Variants in MARK4 observed in about 807,000 individuals in gnomAD.
MARK4 encodes the protein microtubule affinity regulating kinase 4.
A neutral mutation model predicts 81.5 loss-of-function variants in MARK4; 19 were observed. That is an observed-to-expected ratio of 0.23 (90% CI 0.16 to 0.34). MARK4 has a LOEUF of 0.34. MARK4 is among the 10% of genes least tolerant of loss of function. The pLI, the probability that MARK4 is intolerant of heterozygous loss-of-function variation, is 1.00. For synonymous variants in MARK4, 436 were observed against 439.0 expected, an observed-to-expected ratio of 0.99 and a Z score of 0.08; for missense variants, 772 against 1,058.8, an observed-to-expected ratio of 0.73 and a Z score of 3.76.
intron 12 of MARK4, among the ~76,000 whole-genome samples, chr19:45,282,925 G>A (rs1352166260): frequency 2.0e-5 from 3 of 152,074 alleles, no homozygotes; most frequent in Non-Finnish European, 4.4e-5. Flanking sequence ...CCAGGAGATC[G>A]AGGTCGTGGT....
chr19:45,285,284 A>G, intron 12 of MARK4, among the ~76,000 whole-genome samples: 1 of 151,282 alleles, frequency 6.6e-6, no homozygotes, highest in South Asian at 2.1e-4. Context: ...AAAAAAAAAA[A>G]AGAATCCAGC....
chr19:45,277,433 AT>A (rs35920861), intron 8 of MARK4, among the ~76,000 whole-genome samples: 448 of 131,840 alleles, frequency 3.4e-3, no homozygotes, highest in African/African-American at 7.0e-3. Context: ...TGTAGCTTAA[AT>A]TTTTTTTTTT....
At chr19:45,282,463 C>T (rs1366493990) in intron 12 of MARK4, among the ~76,000 whole-genome samples, 1 of 149,010 alleles carries the variant, frequency 6.7e-6, no homozygotes, top group African/African-American at 2.5e-5. Context: ...AGGCTGAGGG[C>T]AGGAGGATTG....
chr19:45,253,740 A>G (rs1439579631), intron 1 of MARK4, among the ~76,000 whole-genome samples: 2 of 152,114 alleles, frequency 1.3e-5, no homozygotes, highest in Non-Finnish European at 2.9e-5. Context: ...TGATGTGACT[A>G]AGGTGCACAG....
chr19:45,276,622 A>ATTTTTTTTTTT (rs764253527), intron 8 of MARK4, among the ~76,000 whole-genome samples: 1 of 123,634 alleles, frequency 8.1e-6, no homozygotes, highest in Non-Finnish European at 1.7e-5. Context: ...CATTTTACAG[A>ATTTTTTTTTTT]TTTTTTTTTT....
At position 45,304,073 on chromosome 19, in the gene MARK4, C is replaced by T. The variant is rs1312012925; in HGVS notation, c.*1363C>T. ...AAAAGGTATTTGTTGGTTTATGTTA[C>T]TTAATAGTCCAGGGGCACCTGGCTT... is the stretch of plus-strand genomic sequence containing the variant. On this transcript the variant is annotated 3_prime_UTR_variant, in exon 17 of 17. Coordinates refer to ENST00000262891, the MANE Select transcript of MARK4 (RefSeq NM_001199867.2). The T allele has an allele frequency of 6.6e-6, 1 of 152,230 alleles. No homozygotes were observed. The highest frequency in any genetic ancestry group is 1.5e-5 in the Non-Finnish European group (1 of 68,048). 9.4% of individuals were successfully genotyped at this position (152,230 alleles called of 1,614,324 possible).
At chr19:45,289,894 C>T (rs924216252) in intron 13 of MARK4, among the ~76,000 whole-genome samples, 5 of 152,092 alleles carry the variant, frequency 3.3e-5, no homozygotes, top group East Asian at 3.9e-4. Flanking sequence ...CTCAGGAGTT[C>T]GAGACCAACC....
At chr19:45,254,360 G>A (rs1394588114) in intron 1 of MARK4, among the ~76,000 whole-genome samples, 1 of 152,174 alleles carries the variant, frequency 6.6e-6, no homozygotes, top group East Asian at 1.9e-4. Flanking sequence ...CCCACCTCCA[G>A]CTGGCTGCCC....
Position 45,280,635 on chromosome 19 carries a change from A to G in MARK4, c.1177A>G (p.Thr393Ala), listed in dbSNP as rs1970661597. 1 of 1,614,142 alleles carries G rather than the reference A, an allele frequency of 6.2e-7. No individual in the cohort carries two copies. ...GGCACGGGTGCGGGCGCCCAGCGAC[A>G]CCACCAACGGAACAAGTTCCAGCAA... ...ALARVRAPSD[T>A]TNGTSSSKGT... Residue 393 changes from threonine (T) to alanine (A), a missense_variant, in exon 12 of 17, where the codon ACC (threonine) becomes GCC (alanine). Around this residue, in one of 3 missense-constraint regions of MARK4, gnomAD observed 548 missense variants for 624.3 expected, o/e 0.88. Coordinates refer to ENST00000262891, the MANE Select transcript of MARK4 (RefSeq NM_001199867.2).
chr19:45,269,480 T>C (rs1366655558), intron 7 of MARK4, among the ~76,000 whole-genome samples: 1 of 152,142 alleles, frequency 6.6e-6, no homozygotes, highest in Non-Finnish European at 1.5e-5. Flanking sequence ...GGTTTGGGCC[T>C]TTATTGGGGC....
Position 45,297,799 on chromosome 19 carries a change from C to T in MARK4, c.1722C>T (p.Val574=), listed in dbSNP as rs1264616268. Residue 574 remains valine, a synonymous_variant, in exon 15 of 17, where the codon GTC becomes GTT. Transcript: ENST00000262891. ...TIRSTFHGGQ[V]RDRRAGGGGG... ...GCAGCACCTTCCATGGTGGCCAGGT[C>T]CGGGACCGGCGGGCAGGGGGTGGGG... The T allele has an allele frequency of 6.4e-7, 1 of 1,560,582 alleles. No individual in the cohort carries two copies. The highest frequency in any genetic ancestry group is 8.7e-7 in the Non-Finnish European group (1 of 1,154,352).
In MARK4 at chr19:45,266,266, A is replaced by T; in HGVS notation, c.534A>T (p.Val178=). The T allele has an allele frequency of 1.2e-6, 2 of 1,613,770 alleles. No homozygotes were observed. The highest frequency in any genetic ancestry group is 2.2e-5 in the South Asian group (2 of 91,076). ...ACTATTGTCACCAGAAAAATATTGT[A>T]CACAGGGACCTGAAGGTAAGCCCCC... ...AVHYCHQKNI[V]HRDLKAENLL... Residue 178 remains valine, a synonymous_variant, in exon 7 of 17, where the codon GTA becomes GTT. Transcript: ENST00000262891.
At chr19:45,299,750 GT>G (rs1970941905) in intron 15 of MARK4, 60 bp from the exon 16 acceptor site, 2 of 1,481,008 alleles carry the variant, frequency 1.4e-6, no homozygotes, top group East Asian at 4.9e-5. Context: ...GAGGCAGTGG[GT>G]TGCGGGAGGT....
rs1047475356 is a variant in MARK4 at position 45,251,501 on chromosome 19, G to C, written c.-88G>C. 11 of 790,520 alleles carry C rather than the reference G, an allele frequency of 1.4e-5. No individual in the cohort carries two copies. Among genetic ancestry groups the C allele is most frequent in the Non-Finnish European group, 2.0e-5 (11 of 541,852 alleles). The allele number at this position is 790,520 out of a possible 1,614,324, so 49.0% of individuals were successfully genotyped here. A position where few individuals can be genotyped will look rare whatever the true frequency, so the allele number is the denominator to read the frequency against. On this transcript the variant is annotated 5_prime_UTR_variant, in exon 1 of 17. Coordinates refer to ENST00000262891, the MANE Select transcript of MARK4 (RefSeq NM_001199867.2). ...CCCAGCTTTTGAGCTCGCGTCCCCAGGCCGGCGGGGGGGGAGGGGAAGAGA... is the reference window on the plus strand; with the variant it reads ...CCCAGCTTTTGAGCTCGCGTCCCCACGCCGGCGGGGGGGGAGGGGAAGAGA...
Position 45,280,489 on chromosome 19 carries a change from G to A in MARK4, c.1116+6G>A, listed in dbSNP as rs759888725. On this transcript the variant is annotated splice_donor_region_variant and intron_variant, in intron 11 of 16. Transcript: ENST00000262891. Reference sequence around the variant, plus strand: ...TGCTGGGCAGGAAGACTGAGGTCAGGGGGCGCCAGGGGCCCTTGGGGACGC... The same window carrying A: ...TGCTGGGCAGGAAGACTGAGGTCAGAGGGCGCCAGGGGCCCTTGGGGACGC... 7 of 1,614,010 alleles carry A rather than the reference G, an allele frequency of 4.3e-6. No individual in the cohort carries two copies. In the South Asian group the frequency reaches 7.7e-5, roughly 18 times the overall value.
rs918653247 is a variant in MARK4 at position 45,285,819 on chromosome 19, A to C, written c.1277-1628A>C. 2.6e-5 allele frequency among the ~76,000 whole-genome samples: 4 copies of C among 152,220 alleles called. No homozygotes were observed. The South Asian group carries it at 8.3e-4, about 31-fold the overall frequency. On this transcript the variant is annotated intron_variant, in intron 12 of 16. Transcript: ENST00000262891. ...TATCGCTCCTGAGGATGTAACAAGC[A>C]GACCTTCTGACCCTCTCAAGTTTGA... is the stretch of plus-strand genomic sequence containing the variant.
intron 1 of MARK4, among the ~76,000 whole-genome samples, chr19:45,257,663 G>A (rs1403203369): frequency 1.3e-5 from 2 of 148,824 alleles, no homozygotes; most frequent in Non-Finnish European, 1.5e-5. Context: ...GATTACAGGC[G>A]TGAGCCACCT....
chr19:45,290,662 A>G (rs141310200), intron 13 of MARK4, among the ~76,000 whole-genome samples: 9 of 152,336 alleles, frequency 5.9e-5, no homozygotes, highest in Non-Finnish European at 1.2e-4. Context: ...ACTGTTGGTG[A>G]CTGGCCATGA....
At chr19:45,252,683 G>T (rs1467470264) in intron 1 of MARK4, among the ~76,000 whole-genome samples, 3 of 152,060 alleles carry the variant, frequency 2.0e-5, no homozygotes, top group Non-Finnish European at 2.9e-5. Context: ...AAAACTCCTG[G>T]ACCTGAAGCC....
Sources: gnomAD v4.1 joint callset for allele counts (sites outside exome capture counted in the v4.1 genomes callset) on GRCh38, gnomAD v4.1.1 for gene constraint, gnomAD v4.1.1 regional missense constraint, MANE v1.5 for transcripts, NCBI Gene and HGNC (gene_info 2026-07-23, HGNC 2026-07-21) for gene names.